The following NTRK3 variants were observed in gnomAD, a reference collection of about 807,000 sequenced individuals.
NTRK3 encodes the protein NT-3 growth factor receptor.
In NTRK3, 24 loss-of-function variants were observed where a neutral mutation model predicts 91.7. That is an observed-to-expected ratio of 0.26 (90% confidence interval 0.19 to 0.37). The LOEUF is 0.37. NTRK3 is among the 10% of genes least tolerant of loss of function. NTRK3 has a pLI of 1.00. For missense variants in NTRK3, 880 were observed against 1,068.9 expected (o/e 0.82, Z 2.46); for synonymous variants, 483 against 404.0 (o/e 1.20, Z -2.34).
chr15:87,968,107 G>A lies in NTRK3; in HGVS notation c.1586-27354C>T, dbSNP rs568470191. On this transcript the variant is annotated intron_variant, in intron 14 of 18. Transcript: ENST00000394480. ...TATGCCTTTTTTACTCTCGTGTCTC[G>A]CAGGTATTATTCATGAAGTTGTCCA... Among the ~76,000 whole-genome samples the A allele has an allele frequency of 8.5e-5, 13 of 152,220 alleles. No homozygotes were observed. The East Asian group carries it at 1.4e-3, about 16-fold the overall frequency.
intron 14 of NTRK3, among the ~76,000 whole-genome samples, chr15:88,031,221 A>T (rs2078505142): frequency 6.6e-6 from 1 of 152,210 alleles, no homozygotes; most frequent in Non-Finnish European, 1.5e-5. Context: ...CTTCCCTAGG[A>T]GCAATGGTTC....
rs1335887821 is a variant in NTRK3 at position 87,886,697 on chromosome 15, T to TATATATATATAC, written c.2134-6270_2134-6269insGTATATATATAT. ...TTTGCTATATATATATATATATATA[T>TATATATATATAC]ATACATATATACACACACACACATA... On this transcript the variant is annotated intron_variant, in intron 17 of 18. Coordinates refer to ENST00000394480, the Ensembl canonical transcript of NTRK3. 1.2e-3 allele frequency among the ~76,000 whole-genome samples: 162 copies of TATATATATATAC among 135,868 alleles called. 1 individual carries two copies. The highest frequency in any genetic ancestry group is 3.8e-3 in the Middle Eastern group (1 of 266). The allele number at this position is 135,868 out of a possible 152,430, so 89.1% of individuals were successfully genotyped here.
In NTRK3 at chr15:87,979,958, C is replaced by A. The variant is rs149961302; in HGVS notation, c.1586-39205G>T. ...ATTCTAGGAGCTAAAATTACACAGA[C>A]CACTTCTGACCACACCAGGAGGTGG... is the stretch of plus-strand genomic sequence containing the variant. On this transcript the variant is annotated intron_variant, in intron 14 of 18. Coordinates refer to ENST00000394480, the Ensembl canonical transcript of NTRK3. Among the ~76,000 whole-genome samples the A allele has an allele frequency of 3.9e-5, 6 of 152,264 alleles. No homozygotes were observed. The East Asian group carries it at 1.2e-3, about 29-fold the overall frequency.
At chr15:88,137,686 G>A (rs928677673) in intron 6 of NTRK3, 125 bp from the exon 7 acceptor site, 2 of 936,544 alleles carry the variant, frequency 2.1e-6, no homozygotes, top group African/African-American at 3.3e-5. Flanking sequence ...ATTTAACAAG[G>A]TTACAAAAGA....
At chr15:88,104,953 C>A (rs140723601) in intron 13 of NTRK3, among the ~76,000 whole-genome samples, 3 of 152,354 alleles carry the variant, frequency 2.0e-5, no homozygotes, top group African/African-American at 7.2e-5. Flanking sequence ...CTTGATGAGA[C>A]TCTGCTGGCT....
At chr15:88,188,602 T>C (rs187677147) in intron 3 of NTRK3, among the ~76,000 whole-genome samples, 2 of 152,312 alleles carry the variant, frequency 1.3e-5, no homozygotes, top group East Asian at 3.9e-4. Flanking sequence ...ATTTTGAAAA[T>C]GACTGCTTTG....
intron 5 of NTRK3, among the ~76,000 whole-genome samples, chr15:88,157,930 CTCTTGGCCAA>C (rs1266570787): frequency 1.3e-5 from 2 of 152,170 alleles, no homozygotes; most frequent in African/African-American, 4.8e-5. Flanking sequence ...GGATCCTCCC[CTCTTGGCCAA>C]TCTTGGCTAC....
chr15:88,047,587 T>C (rs2080345566), intron 13 of NTRK3, among the ~76,000 whole-genome samples: 1 of 152,232 alleles, frequency 6.6e-6, no homozygotes. Context: ...ACTCCTCACC[T>C]TCACGGTACC....
intron 3 of NTRK3, among the ~76,000 whole-genome samples, chr15:88,225,292 T>C (rs1202791582): frequency 2.0e-5 from 3 of 152,138 alleles, no homozygotes; most frequent in Non-Finnish European, 2.9e-5. Context: ...TCTGCACAAA[T>C]ACTGGGCTTA....
At chr15:88,004,008 G>A (rs181434547) in intron 14 of NTRK3, among the ~76,000 whole-genome samples, 1 of 152,226 alleles carries the variant, frequency 6.6e-6, no homozygotes, top group East Asian at 1.9e-4. Context: ...AGAAAGAAAA[G>A]ACAGGACAAT....
intron 17 of NTRK3, among the ~76,000 whole-genome samples, chr15:87,884,589 T>G (rs2065431451): frequency 6.6e-6 from 1 of 151,706 alleles, no homozygotes; most frequent in Non-Finnish European, 1.5e-5. Context: ...ATGAATATAC[T>G]CTCCAAATAC....
chr15:88,002,616 G>C (rs1486553445), intron 14 of NTRK3, among the ~76,000 whole-genome samples: 1 of 148,416 alleles, frequency 6.7e-6, no homozygotes, highest in Non-Finnish European at 1.5e-5. Flanking sequence ...CAATTTCACT[G>C]TAACTCTCAC....
At chr15:88,110,426 G>A (rs540387610) in intron 13 of NTRK3, among the ~76,000 whole-genome samples, 2 of 152,274 alleles carry the variant, frequency 1.3e-5, no homozygotes, top group African/African-American at 4.8e-5. Context: ...GCAATCCACA[G>A]GTACCAAAAG....
intron 14 of NTRK3, among the ~76,000 whole-genome samples, chr15:88,030,213 C>T (rs538470668): frequency 1.1e-4 from 17 of 152,198 alleles, no homozygotes; most frequent in Non-Finnish European, 1.8e-4. Context: ...TTTTCACCAA[C>T]CTTTTCTTGT....
At chr15:88,187,093 T>G (rs561857070) in intron 3 of NTRK3, among the ~76,000 whole-genome samples, 1 of 152,364 alleles carries the variant, frequency 6.6e-6, no homozygotes. Flanking sequence ...ATTTTCCTCC[T>G]GTGCCTTACG....
At chr15:88,143,085 T>C (rs1597568448) in intron 6 of NTRK3, among the ~76,000 whole-genome samples, 1 of 150,676 alleles carries the variant, frequency 6.6e-6, no homozygotes, top group African/African-American at 2.4e-5. Flanking sequence ...TAACTGGGCA[T>C]GGTGGTGCTC....
chr15:87,879,767 G>T (rs1225905904), intron 18 of NTRK3, among the ~76,000 whole-genome samples: 2 of 152,060 alleles, frequency 1.3e-5, no homozygotes, highest in East Asian at 3.9e-4. Context: ...TAAAAACATA[G>T]TAATAAAATA....
intron 13 of NTRK3, among the ~76,000 whole-genome samples, chr15:88,055,270 T>C (rs1049242301): frequency 9.2e-5 from 14 of 152,124 alleles, no homozygotes; most frequent in Admixed American, 3.3e-4. Flanking sequence ...ACTTAAAAAA[T>C]TAAACTGGGA....
intron 6 of NTRK3, among the ~76,000 whole-genome samples, chr15:88,145,483 C>T (rs994534569): frequency 9.2e-5 from 14 of 152,140 alleles, no homozygotes; most frequent in African/African-American, 3.4e-4. Context: ...TCACATCTAA[C>T]TCACTGGTGT....
Sources: gnomAD v4.1 joint callset for allele counts (sites outside exome capture counted in the v4.1 genomes callset) on GRCh38, gnomAD v4.1.1 for gene constraint, MANE v1.5 for transcripts, NCBI Gene and HGNC (gene_info 2026-07-23, HGNC 2026-07-21) for gene names.